JADE3: variants seen among roughly 807,000 people sequenced by gnomAD.
JADE3 encodes jade family PHD finger 3, also known as protein Jade-3.
In JADE3, 2 loss-of-function variants were observed where a neutral mutation model predicts 50.1. That is an observed-to-expected ratio of 0.04 (90% CI 0.02 to 0.13). JADE3 has a LOEUF of 0.13. Among genes scored for constraint, JADE3 ranks in the 10% least tolerant of loss-of-function variants. The probability of loss-of-function intolerance (pLI) is 1.00; values close to 1 mark genes in which losing one functional copy is unlikely to be tolerated. For missense variants in JADE3, 475 were observed against 634.4 expected (o/e 0.75, Z 2.70); for synonymous variants, 218 against 232.9 (o/e 0.94, Z 0.58).
chrX:46,917,319 A>G (rs868979701), intron 1 of JADE3, among the ~76,000 whole-genome samples: 2 of 111,283 alleles, frequency 1.8e-5, no homozygotes, highest in Non-Finnish European at 3.8e-5. Flanking sequence ...GATGGACATT[A>G]CCATATAGGA....
chrX:46,964,933 G>C (rs1927337340), intron 1 of JADE3, among the ~76,000 whole-genome samples: 1 of 112,289 alleles, frequency 8.9e-6, no homozygotes. Flanking sequence ...CTAAAAGGTT[G>C]TGTAATAGTC....
chrX:47,040,381 A>G (rs1409929398), intron 8 of JADE3, among the ~76,000 whole-genome samples: 21 of 111,735 alleles, frequency 1.9e-4, no homozygotes. Context: ...CAGCAGTGGC[A>G]TTAGATTCTC....
intron 4 of JADE3, among the ~76,000 whole-genome samples, chrX:47,020,474 C>G (rs1490166682): frequency 8.9e-6 from 1 of 111,762 alleles, no homozygotes; most frequent in Non-Finnish European, 1.9e-5. Context: ...TAAAAAATCC[C>G]AAACATATTT....
At chrX:47,053,286 TCTCA>T (rs781826879) in intron 8 of JADE3, among the ~76,000 whole-genome samples, 9 of 110,906 alleles carry the variant, frequency 8.1e-5, no homozygotes, top group Non-Finnish European at 1.1e-4. Context: ...TGAGATAGGT[TCTCA>T]CTCTGTTGCC....
chrX:46,985,585 A>G, intron 2 of JADE3, 128 bp from the exon 3 acceptor site: 1 of 469,752 alleles, frequency 2.1e-6, no homozygotes, highest in Non-Finnish European at 3.7e-6. Context: ...TGTTTTCTTC[A>G]GTGGTATGAG....
intron 4 of JADE3, among the ~76,000 whole-genome samples, chrX:47,020,138 C>T (rs1556364033): frequency 1.8e-5 from 2 of 111,203 alleles, no homozygotes; most frequent in African/African-American, 6.5e-5. Context: ...TGAGACCAGC[C>T]TGGCCAACAT....
At chrX:47,056,484 T>C (rs1177718506) in intron 10 of JADE3, among the ~76,000 whole-genome samples, 2 of 111,977 alleles carry the variant, frequency 1.8e-5, no homozygotes, top group African/African-American at 6.5e-5. Flanking sequence ...GAAATTATTC[T>C]GTAATTATCA....
rs781906504 is a variant in JADE3 at position 46,937,945 on chromosome X, A to G, written c.-12+25226A>G. 1.4e-4 allele frequency among the ~76,000 whole-genome samples: 16 copies of G among 112,023 alleles called. No individual in the cohort carries two copies. The Admixed American group carries it at 1.5e-3, about 11-fold the overall frequency. On this transcript the variant is annotated intron_variant, in intron 1 of 10. Coordinates refer to ENST00000614628, the MANE Select transcript of JADE3 (RefSeq NM_014735.5). Reference sequence around the variant, plus strand: ...CAGTGAGCTGAGATCACGCCACTGCACTCCATCCTGGGCGATGAGCAAAAC... The same window carrying G: ...CAGTGAGCTGAGATCACGCCACTGCGCTCCATCCTGGGCGATGAGCAAAAC...
intron 1 of JADE3, among the ~76,000 whole-genome samples, chrX:46,981,893 C>T (rs911167244): frequency 9.0e-6 from 1 of 110,763 alleles, no homozygotes; most frequent in Non-Finnish European, 1.9e-5. Context: ...TTTTTTTTCC[C>T]GGGCTGCTTT....
intron 1 of JADE3, among the ~76,000 whole-genome samples, chrX:46,947,167 G>A (rs908802635): frequency 4.5e-5 from 5 of 111,134 alleles, no homozygotes; most frequent in African/African-American, 9.8e-5. Flanking sequence ...TTATAGGTGC[G>A]CGCCACCATG....
At chrX:46,927,384 C>A (rs1193445055) in intron 1 of JADE3, among the ~76,000 whole-genome samples, 1 of 111,652 alleles carries the variant, frequency 9.0e-6, no homozygotes, top group African/African-American at 3.3e-5. Flanking sequence ...GTTTGGTAGG[C>A]AAGCCTTCAA....
At chrX:47,055,192 G>A (rs1389012647) in intron 9 of JADE3, among the ~76,000 whole-genome samples, 1 of 111,444 alleles carries the variant, frequency 9.0e-6, no homozygotes, top group Non-Finnish European at 1.9e-5. Context: ...CTCCAGTTGA[G>A]AGCCACTCCA....
chrX:47,059,109 C>T lies in JADE3; in HGVS notation c.*32C>T. On this transcript the variant is annotated 3_prime_UTR_variant, in exon 11 of 11. Transcript: ENST00000614628. ...ACTTCCAAGGATGACCCAACCTTTG[C>T]CTTTGCCCCATATATTGGGGAAAAC... 3 of 1,072,978 alleles carry T rather than the reference C, an allele frequency of 2.8e-6. No individual in the cohort carries two copies. The highest frequency in any genetic ancestry group is 3.7e-6 in the Non-Finnish European group (3 of 802,840). 88.4% of individuals were successfully genotyped at this position (1,072,978 alleles called of 1,213,427 possible).
At chrX:47,014,847 A>G (rs782362865) in intron 4 of JADE3, among the ~76,000 whole-genome samples, 1 of 112,509 alleles carries the variant, frequency 8.9e-6, no homozygotes, top group East Asian at 2.8e-4. Flanking sequence ...CTCAAAAACC[A>G]TAAATAAAAA....
At chrX:46,971,637 A>G (rs1017023721) in intron 1 of JADE3, among the ~76,000 whole-genome samples, 3 of 105,961 alleles carry the variant, frequency 2.8e-5, no homozygotes, top group Non-Finnish European at 5.8e-5. Flanking sequence ...CTACTAAAAA[A>G]TACAAAAAAT....
chrX:46,931,235 A>G (rs1380741842), intron 1 of JADE3, among the ~76,000 whole-genome samples: 1 of 111,133 alleles, frequency 9.0e-6, no homozygotes, highest in Non-Finnish European at 1.9e-5. Flanking sequence ...GCATATCTCC[A>G]CTTAAAGACT....
At chrX:47,017,563 T>C (rs1928702335) in intron 4 of JADE3, among the ~76,000 whole-genome samples, 1 of 111,866 alleles carries the variant, frequency 8.9e-6, no homozygotes, top group South Asian at 3.7e-4. Context: ...AAATTACGGA[T>C]GAACTATCAT....
At chrX:47,044,465 A>G (rs782498054) in intron 8 of JADE3, among the ~76,000 whole-genome samples, 1 of 111,548 alleles carries the variant, frequency 9.0e-6, no homozygotes, top group East Asian at 2.8e-4. Flanking sequence ...AGAAATAAGG[A>G]CTTTCCCAAA....
intron 1 of JADE3, among the ~76,000 whole-genome samples, chrX:46,925,823 A>T (rs1250464882): frequency 3.5e-5 from 2 of 56,371 alleles, no homozygotes; most frequent in Non-Finnish European, 5.5e-5. Flanking sequence ...GACTCCGTCT[A>T]AAAAAAAAAA....
Sources: allele counts gnomAD v4.1 joint callset (sites outside exome capture counted in the v4.1 genomes callset), GRCh38; gene constraint gnomAD v4.1.1; transcripts MANE v1.5; gene names NCBI Gene and HGNC (gene_info 2026-07-23, HGNC 2026-07-21).